SLC38A10: variants seen among roughly 807,000 people sequenced by gnomAD.
SLC38A10 encodes Sodium-coupled neutral amino acid transporter 10.
In SLC38A10, 53 loss-of-function variants were observed where a neutral mutation model predicts 81.0. The observed-to-expected ratio is 0.65, with a 90% CI of 0.53 to 0.82. The LOEUF (loss-of-function observed/expected upper bound fraction) is 0.82, where lower values mean the gene tolerates loss of function less well. SLC38A10 is among the 40% of genes least tolerant of loss of function. The probability of loss-of-function intolerance (pLI) is 0.00; values close to 1 mark genes in which losing one functional copy is unlikely to be tolerated. For synonymous variants in SLC38A10, 665 were observed against 655.3 expected, an observed-to-expected ratio of 1.01 and a Z score of -0.23; for missense variants, 1,471 against 1,545.0, an observed-to-expected ratio of 0.95 and a Z score of 0.80.
At position 81,270,812 on chromosome 17, in the gene SLC38A10, T is replaced by C. The variant is rs2146925146; in HGVS notation, c.1131+106A>G. ...CTTTTGTGGGTTTTAAGTTTCTTGA[T>C]AGAACCCATCTGAAAACGCTGAACC... On this transcript the variant is annotated intron_variant, in intron 10 of 15. Coordinates refer to ENST00000374759, the MANE Select transcript of SLC38A10 (RefSeq NM_001037984.3). This position sits in a 1 kb window ranked among gnomAD's most constrained non-coding sequence, Gnocchi z 4.0. 1.1e-6 allele frequency: 1 copy of C among 911,454 alleles called. No individual in the cohort carries two copies. Among genetic ancestry groups the C allele is most frequent in the Non-Finnish European group, 1.7e-6 (1 of 586,328 alleles). The allele number at this position is 911,454 out of a possible 1,614,324, so 56.5% of individuals were successfully genotyped here. A position where few individuals can be genotyped will look rare whatever the true frequency, so the allele number is the denominator to read the frequency against.
At position 81,245,686 on chromosome 17, in the gene SLC38A10, AGG is replaced by A; in HGVS notation, c.3228_3229del (p.Leu1077AlafsTer2). The A allele has an allele frequency of 6.3e-7, 1 of 1,596,102 alleles. No homozygotes were observed. The highest frequency in any genetic ancestry group is 1.7e-5 in the Admixed American group (1 of 57,714). ...GAGGTCGTTCACCTGGACATCAGGC[AGG>A]GGGTTAAGGCCAATGATGACCCCAT... On this transcript the variant is annotated frameshift_variant, in exon 16 of 16. Coordinates refer to ENST00000374759, the MANE Select transcript of SLC38A10 (RefSeq NM_001037984.3). LOFTEE classifies it low-confidence loss of function (END_TRUNC).
At position 81,277,882 on chromosome 17, in the gene SLC38A10, G is replaced by A. The variant is rs918060037; in HGVS notation, c.627-749C>T. On this transcript the variant is annotated intron_variant, in intron 6 of 15. Transcript: ENST00000374759. The surrounding 1 kb of genome is among the most constrained non-coding windows in gnomAD (Gnocchi z 4.5). ...GAGAAGGGAGTTGGGCCAGGCACAC[G>A]CCAGAGCACAGGTGAGAGCTGCTCT... Among the ~76,000 whole-genome samples the A allele has an allele frequency of 2.6e-5, 4 of 152,156 alleles. No homozygotes were observed. The highest frequency in any genetic ancestry group is 7.2e-5 in the African/African-American group (3 of 41,432).
Position 81,276,060 on chromosome 17 carries a change from C to T in SLC38A10, c.821G>A (p.Arg274His), listed in dbSNP as rs768554867. 21 of 1,613,880 alleles carry T rather than the reference C, an allele frequency of 1.3e-5. No individual in the cohort carries two copies. Among genetic ancestry groups the T allele is most frequent in the South Asian group, 5.5e-5 (5 of 91,092 alleles). The change falls in exon 8 of 16, where the codon CGT (arginine) becomes CAT (histidine). Residue 274 changes from arginine (R) to histidine (H), a missense_variant. This residue lies in a region of SLC38A10 where 720 missense variants were observed against 827.7 expected (regional missense o/e 0.87). Transcript: ENST00000374759. The surrounding 1 kb of genome is among the most constrained non-coding windows in gnomAD (Gnocchi z 4.7). Reference protein sequence around the residue: ...FPSNLVTEMLRVGFMMSVAVG... With the variant: ...FPSNLVTEMLHVGFMMSVAVG... ...AGCCACTGACATCATGAAGCCCACA[C>T]GGAGCATCTCCGTCACCAGGTTGGA...
rs1425092256 is a variant in SLC38A10, at chr17:81,276,547, A to G, written c.730-396T>C. Among the ~76,000 whole-genome samples, 1 of 152,028 alleles carries G rather than the reference A, an allele frequency of 6.6e-6. No individual in the cohort carries two copies. The highest frequency in any genetic ancestry group is 1.5e-5 in the Non-Finnish European group (1 of 67,998). On this transcript the variant is annotated intron_variant, in intron 7 of 15. Transcript: ENST00000374759. The surrounding 1 kb of genome is among the most constrained non-coding windows in gnomAD (Gnocchi z 4.7). ...GCCGGGTTTACATGCACGTGCCACCATGCCCAGCTAATTTTTGTATTTTTA... is the reference window on the plus strand; with the variant it reads ...GCCGGGTTTACATGCACGTGCCACCGTGCCCAGCTAATTTTTGTATTTTTA...
Position 81,288,358 on chromosome 17 carries a change from C to T in SLC38A10, c.217+1333G>A, listed in dbSNP as rs1406639007. ...ATGGCCTTCTGCAGGGAGGACCTAA[C>T]ATCCCAGCCGCACACTGGCTGGAAG... On this transcript the variant is annotated intron_variant, in intron 2 of 15. Transcript: ENST00000374759. This position sits in a 1 kb window ranked among gnomAD's most constrained non-coding sequence, Gnocchi z 5.4. 6.6e-6 allele frequency among the ~76,000 whole-genome samples: 1 copy of T among 152,228 alleles called. No individual in the cohort carries two copies. The highest frequency in any genetic ancestry group is 1.9e-4 in the East Asian group (1 of 5,200).
At position 81,251,448 on chromosome 17, in the gene SLC38A10, C is replaced by T. The variant is rs1028467961; in HGVS notation, c.2065+45G>A. The stretch of plus-strand genomic sequence containing the variant: ...CCCCAGGGCTGGGGGAGGGGGCTGC[C>T]GCTCCCTGGGCCTGAGGCAGGCGGC... On this transcript the variant is annotated intron_variant, in intron 14 of 15. Transcript: ENST00000374759. The T allele has an allele frequency of 4.4e-6, 7 of 1,607,628 alleles. No homozygotes were observed. In the African/African-American group the frequency reaches 6.7e-5, roughly 15 times the overall value.
At chr17:81,247,224 C>T (rs867845921) in intron 14 of SLC38A10, 163 bp from the exon 15 acceptor site, 29 of 740,370 alleles carry the variant, frequency 3.9e-5, no homozygotes, top group Admixed American at 1.9e-4. Flanking sequence ...CCGTGAAGCC[C>T]GGACAGCTCA....
intron 14 of SLC38A10, 157 bp downstream of exon 14, chr17:81,251,336 C>G (rs759979080): frequency 1.2e-6 from 2 of 1,612,944 alleles, no homozygotes; most frequent in Non-Finnish European, 1.7e-6. Context: ...GGGAAGGGAG[C>G]AGAAAGCTCT....
intron 13 of SLC38A10, 152 bp from the exon 14 acceptor site, chr17:81,251,764 G>T: frequency 1.3e-6 from 1 of 770,884 alleles, no homozygotes; most frequent in Non-Finnish European, 1.9e-6. Flanking sequence ...TCAACCTGAT[G>T]ATTACTAGCG....
At chr17:81,278,571 T>C (rs1369606080) in intron 6 of SLC38A10, among the ~76,000 whole-genome samples, 6 of 152,096 alleles carry the variant, frequency 3.9e-5, no homozygotes, top group African/African-American at 1.2e-4. Flanking sequence ...GGGAGCTAAG[T>C]GGCCAACGCC....
At chr17:81,268,159 C>T (rs2063085033) in intron 10 of SLC38A10, among the ~76,000 whole-genome samples, 1 of 151,812 alleles carries the variant, frequency 6.6e-6, no homozygotes, top group Non-Finnish European at 1.5e-5. Context: ...CACTGCCCAG[C>T]TGAGACCCCA....
intron 14 of SLC38A10, chr17:81,249,961 T>TCAGG: frequency 1.0e-6 from 1 of 1,000,776 alleles, no homozygotes. Context: ...CTGACACGTG[T>TCAGG]CCCCATGCAG....
At position 81,276,984 on chromosome 17, in the gene SLC38A10, C is replaced by G; in HGVS notation, c.729+47G>C. 1 of 1,584,890 alleles carries G rather than the reference C, an allele frequency of 6.3e-7. No individual in the cohort carries two copies. The highest frequency in any genetic ancestry group is 8.7e-7 in the Non-Finnish European group (1 of 1,154,306). Reference sequence around the variant, plus strand: ...AGTCCCACGGGGCACCACGGCACATCATGCTGGCATGACACAGGGGCGGAG... The same window carrying G: ...AGTCCCACGGGGCACCACGGCACATGATGCTGGCATGACACAGGGGCGGAG... On this transcript the variant is annotated intron_variant, in intron 7 of 15. Transcript: ENST00000374759. This position sits in a 1 kb window ranked among gnomAD's most constrained non-coding sequence, Gnocchi z 4.7.
chr17:81,287,964 C>T (rs1455571583), intron 2 of SLC38A10, among the ~76,000 whole-genome samples: 3 of 152,240 alleles, frequency 2.0e-5, no homozygotes, highest in Non-Finnish European at 4.4e-5. Flanking sequence ...CCCGCCCAGG[C>T]ACGGTGCCTC....
Position 81,276,232 on chromosome 17 carries a change from G to A in SLC38A10, c.730-81C>T. The A allele has an allele frequency of 7.5e-7, 1 of 1,342,266 alleles. No homozygotes were observed. The allele number at this position is 1,342,266 out of a possible 1,614,324, so 83.1% of individuals were successfully genotyped here. A position where few individuals can be genotyped will look rare whatever the true frequency, so the allele number is the denominator to read the frequency against. ...CCTGTCACAGTGGGCAGGGCATGGGGGGGACCTGTGCCCTGCCCCCCAGAA... is the reference window on the plus strand; with the variant it reads ...CCTGTCACAGTGGGCAGGGCATGGGAGGGACCTGTGCCCTGCCCCCCAGAA... On this transcript the variant is annotated intron_variant, in intron 7 of 15. Transcript: ENST00000374759. The surrounding 1 kb of genome is among the most constrained non-coding windows in gnomAD (Gnocchi z 4.7).
intron 14 of SLC38A10, among the ~76,000 whole-genome samples, chr17:81,248,158 C>A (rs965582112): frequency 6.6e-6 from 1 of 152,006 alleles, no homozygotes; most frequent in South Asian, 2.1e-4. Context: ...GGGGTTTCAC[C>A]GTGTTAGCCA....
At chr17:81,250,615 C>T (rs186109719) in intron 14 of SLC38A10, among the ~76,000 whole-genome samples, 2 of 152,370 alleles carry the variant, frequency 1.3e-5, no homozygotes, top group East Asian at 1.9e-4. Context: ...CTGAGGCACA[C>T]GTGGACCCCG....
chr17:81,287,739 T>C (rs775910129), intron 2 of SLC38A10, among the ~76,000 whole-genome samples: 3 of 152,222 alleles, frequency 2.0e-5, no homozygotes, highest in Non-Finnish European at 4.4e-5. Flanking sequence ...GTCCTTCACA[T>C]GTAGCCAAAC....
At chr17:81,280,463 C>A (rs1472704985) in intron 6 of SLC38A10, 146 bp downstream of exon 6, 2 of 1,213,820 alleles carry the variant, frequency 1.6e-6, no homozygotes, top group Non-Finnish European at 2.3e-6. Flanking sequence ...CAACCTGGGG[C>A]GGGAAAGGTC....
Sources: gnomAD v4.1 joint callset for allele counts (sites outside exome capture counted in the v4.1 genomes callset) on GRCh38, gnomAD v4.1.1 for gene constraint, gnomAD v4.1.1 regional missense constraint, Gnocchi (gnomAD v3.1) non-coding constraint, MANE v1.5 for transcripts, NCBI Gene and HGNC (gene_info 2026-07-23, HGNC 2026-07-21) for gene names.